The following RANBP2 variants were observed in gnomAD, a reference collection of about 807,000 sequenced individuals.
RANBP2 encodes E3 SUMO-protein ligase RanBP2.
Under a neutral mutation model 303.6 loss-of-function variants are expected in RANBP2, and 57 were observed. The observed-to-expected ratio is 0.19, with a 90% CI of 0.15 to 0.23. The LOEUF (loss-of-function observed/expected upper bound fraction) is 0.23. RANBP2 is among the 10% of genes least tolerant of loss of function. The pLI is 1.00. For synonymous variants in RANBP2, 1,167 were observed against 1,301.5 expected (o/e 0.90, Z 2.23); for missense variants, 3,138 against 3,780.8 (o/e 0.83, Z 4.46).
the RANBP2 span, among the ~76,000 whole-genome samples, chr2:109,143,833 C>T: frequency 4.6e-5 from 7 of 151,610 alleles, no homozygotes; most frequent in Non-Finnish European, 7.4e-5. Context: ...CACACACACA[C>T]GTATATACAC....
chr2:109,334,183 C>T, the RANBP2 span, among the ~76,000 whole-genome samples: 2 of 152,042 alleles, frequency 1.3e-5, no homozygotes, highest in African/African-American at 4.8e-5. Flanking sequence ...TGGTGAGACC[C>T]CGTCCCTACA....
At chr2:109,469,605 G>A in the RANBP2 span, among the ~76,000 whole-genome samples, 1 of 152,160 alleles carries the variant, frequency 6.6e-6, no homozygotes, top group Admixed American at 6.6e-5. Context: ...GGCAATGGGA[G>A]CTGGGCCCCA....
the RANBP2 span, among the ~76,000 whole-genome samples, chr2:109,650,096 T>TC: frequency 6.6e-6 from 1 of 152,218 alleles, no homozygotes; most frequent in Non-Finnish European, 1.5e-5. Context: ...GACTCACAGA[T>TC]ATTTGTGTTC....
the RANBP2 span, among the ~76,000 whole-genome samples, chr2:109,689,702 C>T: frequency 6.6e-6 from 1 of 152,194 alleles, no homozygotes; most frequent in Non-Finnish European, 1.5e-5. Context: ...CTCTTCCTTC[C>T]TTCCCCCCTC....
At chr2:109,733,120 GGA>G in the RANBP2 span, 1 of 537,008 alleles carries the variant, frequency 1.9e-6, no homozygotes, top group Non-Finnish European at 3.8e-6. Flanking sequence ...CGCTGTCTCG[GGA>G]GAGAAATCAC....
rs146669983 is a variant in RANBP2, at chr2:108,765,365, A to G, written c.4826A>G (p.Gln1609Arg). ...GGAATGTTCACTAAGAAGGAGGGAC[A>G]GTGGGATTGCAGTGTGTGCTTAGTA... ...FEGMFTKKEG[Q>R]WDCSVCLVRN... The change falls in exon 20 of 29, where the codon CAG becomes CGG. Residue 1609 changes from glutamine to arginine, a missense_variant. Transcript: ENST00000283195. 2 of 1,252,330 alleles carry G rather than the reference A, an allele frequency of 1.6e-6. No homozygotes were observed. The highest frequency in any genetic ancestry group is 1.2e-5 in the South Asian group (1 of 83,718). The allele number at this position is 1,252,330 out of a possible 1,614,324, so 77.6% of individuals were successfully genotyped here. A position where few individuals can be genotyped will look rare whatever the true frequency, so the allele number is the denominator to read the frequency against.
the RANBP2 span, among the ~76,000 whole-genome samples, chr2:109,777,343 G>C: frequency 6.8e-6 from 1 of 147,514 alleles, no homozygotes; most frequent in Non-Finnish European, 1.5e-5. Context: ...TACTTTAATA[G>C]ACTTTAATCT....
the RANBP2 span, among the ~76,000 whole-genome samples, chr2:109,693,299 G>C: frequency 6.6e-6 from 1 of 152,120 alleles, no homozygotes; most frequent in African/African-American, 2.4e-5. Context: ...ACCCTCCCGA[G>C]TAAGCTGGGA....
the RANBP2 span, among the ~76,000 whole-genome samples, chr2:109,515,268 G>C: frequency 6.6e-6 from 1 of 152,310 alleles, no homozygotes; most frequent in African/African-American, 2.4e-5. Context: ...ACGCCAAACA[G>C]TGTGCCCCAC....
chr2:109,521,281 C>T, the RANBP2 span, among the ~76,000 whole-genome samples: 5 of 151,876 alleles, frequency 3.3e-5, no homozygotes, highest in Non-Finnish European at 7.4e-5. Context: ...AGGAGAATGA[C>T]CTTCAGATGA....
chr2:109,717,344 G>A, the RANBP2 span, among the ~76,000 whole-genome samples: 4 of 151,084 alleles, frequency 2.6e-5, no homozygotes, highest in African/African-American at 9.7e-5. Flanking sequence ...CACTTTGGGA[G>A]GCCGAGGCGG....
At chr2:108,772,708 AC>A (rs1677594243) in intron 22 of RANBP2, 127 bp downstream of exon 22, 5 of 1,227,118 alleles carry the variant, frequency 4.1e-6, no homozygotes, top group South Asian at 1.4e-5. Flanking sequence ...AAAACTTAAA[AC>A]TAACAGGTGA....
chr2:109,572,374 T>C, the RANBP2 span, among the ~76,000 whole-genome samples: 1 of 152,040 alleles, frequency 6.6e-6, no homozygotes, highest in African/African-American at 2.4e-5. Context: ...ACCTTGTGAC[T>C]TGCCCGCCTC....
At chr2:109,442,618 G>C in the RANBP2 span, among the ~76,000 whole-genome samples, 10 of 152,212 alleles carry the variant, frequency 6.6e-5, no homozygotes, top group African/African-American at 2.2e-4. Context: ...GTATACTACT[G>C]TAACATTCTT....
the RANBP2 span, among the ~76,000 whole-genome samples, chr2:109,372,365 CGTGT>C: frequency 1.3e-5 from 2 of 152,158 alleles, no homozygotes; most frequent in Non-Finnish European, 2.9e-5. Context: ...TTGCCTATGG[CGTGT>C]GTGTCTGCCA....
At chr2:109,086,477 AG>A in the RANBP2 span, among the ~76,000 whole-genome samples, 3 of 152,214 alleles carry the variant, frequency 2.0e-5, no homozygotes, top group African/African-American at 7.2e-5. Flanking sequence ...GATAAGGCTC[AG>A]GTTGGAAACT....
the RANBP2 span, among the ~76,000 whole-genome samples, chr2:108,815,433 T>G: frequency 6.6e-6 from 1 of 151,558 alleles, no homozygotes; most frequent in Non-Finnish European, 1.5e-5. Flanking sequence ...TTAACATGTT[T>G]TTAATATTAG....
At chr2:109,415,432 ACT>A in the RANBP2 span, among the ~76,000 whole-genome samples, 1 of 151,956 alleles carries the variant, frequency 6.6e-6, no homozygotes, top group Admixed American at 6.6e-5. Flanking sequence ...GCCATGGTAG[ACT>A]CTGCACAGGG....
intron 23 of RANBP2, among the ~76,000 whole-genome samples, chr2:108,774,160 A>G (rs1677708857): frequency 6.6e-6 from 1 of 152,236 alleles, no homozygotes; most frequent in South Asian, 2.1e-4. Flanking sequence ...CTAACTTTGC[A>G]TTCCAGCGTA....
Sources: gnomAD v4.1 joint callset for allele counts (sites outside exome capture counted in the v4.1 genomes callset) on GRCh38, gnomAD v4.1.1 for gene constraint, MANE v1.5 for transcripts, NCBI Gene and HGNC (gene_info 2026-07-23, HGNC 2026-07-21) for gene names.